Variants in MAP2K7 observed in about 807,000 individuals in gnomAD.
MAP2K7 encodes mitogen-activated protein kinase kinase 7, also known as dual specificity mitogen-activated protein kinase kinase 7.
Under a neutral mutation model 47.7 loss-of-function variants are expected in MAP2K7, and 12 were observed. The ratio of observed to expected loss-of-function variants is 0.25; its 90% CI spans 0.16 to 0.41. The LOEUF (loss-of-function observed/expected upper bound fraction) is 0.41. Among genes scored for constraint, MAP2K7 ranks in the 10% least tolerant of loss-of-function variants. MAP2K7 has a pLI of 1.00. For missense variants in MAP2K7, 415 were observed against 600.3 expected (o/e 0.69, Z 3.23); for synonymous variants, 299 against 243.0 (o/e 1.23, Z -2.14).
rs530956994 is a variant in MAP2K7, at chr19:7,912,638, G to A, written c.*207G>A. The A allele has an allele frequency of 6.4e-4, 384 of 601,918 alleles. No homozygotes were observed. The highest frequency in any genetic ancestry group is 2.5e-3 in the East Asian group (88 of 35,102). 37.3% of individuals were successfully genotyped at this position (601,918 alleles called of 1,614,324 possible). ...CTTCCCACCCCGGGGTCAGCCGGCC[G>A]TGTGCGTCCCCCGACAGACACTGTG... is the stretch of plus-strand genomic sequence containing the variant. On this transcript the variant is annotated 3_prime_UTR_variant, in exon 11 of 11. Transcript: ENST00000397979.
intron 1 of MAP2K7, among the ~76,000 whole-genome samples, chr19:7,904,925 G>A (rs899174745): frequency 2.6e-5 from 4 of 151,658 alleles, no homozygotes; most frequent in African/African-American, 9.7e-5. Flanking sequence ...CTCCCGCCGC[G>A]CCCCAGCATA....
chr19:7,911,712 C>T lies in MAP2K7; in HGVS notation c.1079+134C>T, dbSNP rs987168138. The stretch of plus-strand genomic sequence containing the variant: ...CGACTGTGGGCGGGCTCCTGGCTGG[C>T]GGCTGCCACAGGAGCTGGAGCTGGT... On this transcript the variant is annotated intron_variant, in intron 9 of 10. Coordinates refer to ENST00000397979, the MANE Select transcript of MAP2K7 (RefSeq NM_145185.4). 67 of 955,190 alleles carry T rather than the reference C, an allele frequency of 7.0e-5. No individual in the cohort carries two copies. Among genetic ancestry groups the T allele is most frequent in the Non-Finnish European group, 9.5e-5 (63 of 660,484 alleles). The allele number at this position is 955,190 out of a possible 1,614,324, so 59.2% of individuals were successfully genotyped here.
intron 1 of MAP2K7, among the ~76,000 whole-genome samples, chr19:7,907,464 G>T (rs1446743400): frequency 6.6e-6 from 1 of 152,204 alleles, no homozygotes; most frequent in East Asian, 1.9e-4. Flanking sequence ...GCTCCTGTCG[G>T]CAGACACGTG....
At position 7,912,567 on chromosome 19, in the gene MAP2K7, G is replaced by T. The variant is rs1758685028; in HGVS notation, c.*136G>T. 9.3e-7 allele frequency: 1 copy of T among 1,074,734 alleles called. No homozygotes were observed. The highest frequency in any genetic ancestry group is 1.6e-5 in the African/African-American group (1 of 62,586). 66.6% of individuals were successfully genotyped at this position (1,074,734 alleles called of 1,614,324 possible). A position where few individuals can be genotyped will look rare whatever the true frequency, so the allele number is the denominator to read the frequency against. ...CCTAGGACTGAGGACAGAGAGTGGG[G>T]GGTGCCCACCCACCCCCCCCGCCCC... On this transcript the variant is annotated 3_prime_UTR_variant, in exon 11 of 11. Coordinates refer to ENST00000397979, the MANE Select transcript of MAP2K7 (RefSeq NM_145185.4).
intron 1 of MAP2K7, 91 bp from the exon 2 acceptor site, chr19:7,909,664 G>A (rs1282440725): frequency 6.2e-5 from 44 of 705,124 alleles, no homozygotes; most frequent in Non-Finnish European, 9.1e-5. Flanking sequence ...GGGAAGGTGA[G>A]GGTCCCGACC....
Position 7,914,212 on chromosome 19 carries a change from C to T in MAP2K7, c.*1781C>T, listed in dbSNP as rs931933022. The T allele has an allele frequency of 6.6e-6, 1 of 152,382 alleles. No individual in the cohort carries two copies. The highest frequency in any genetic ancestry group is 6.5e-5 in the Admixed American group (1 of 15,278). 9.4% of individuals were successfully genotyped at this position (152,382 alleles called of 1,614,324 possible). A position where few individuals can be genotyped will look rare whatever the true frequency, so the allele number is the denominator to read the frequency against. On this transcript the variant is annotated 3_prime_UTR_variant, in exon 11 of 11. Transcript: ENST00000397979. ...ATGAGTGTGTGTCCGCCCACCCCCACCCCCTTCAGTGTTAAGTGGGGAGCC... is the reference window on the plus strand; with the variant it reads ...ATGAGTGTGTGTCCGCCCACCCCCATCCCCTTCAGTGTTAAGTGGGGAGCC...
chr19:7,907,574 C>T (rs1982547716), intron 1 of MAP2K7, among the ~76,000 whole-genome samples: 1 of 152,200 alleles, frequency 6.6e-6, no homozygotes. Context: ...ATCACCACCT[C>T]TGTGGCCTCT....
Position 7,904,011 on chromosome 19 carries a change from G to T in MAP2K7, c.67G>T (p.Glu23Ter). The T allele has an allele frequency of 6.5e-7, 1 of 1,549,106 alleles. No homozygotes were observed. Among genetic ancestry groups the T allele is most frequent in the Non-Finnish European group, 8.7e-7 (1 of 1,147,476 alleles). ...AGCAAAGCTGAAGCAGGAGAACCGG[G>T]AGGCCCGGCGGAGGATCGACCTCAA... ...LEAKLKQENR[E>*]ARRRIDLNLD... Residue 23 changes from glutamate to a stop codon, truncating the protein, a stop_gained, in exon 1 of 11, where the codon GAG becomes TAG. Transcript: ENST00000397979. LOFTEE classifies it high-confidence loss of function.
rs764009958 is a variant in MAP2K7 at position 7,912,409 on chromosome 19, C to T, written c.1238C>T (p.Pro413Leu). Residue 413 changes from proline to leucine, a missense_variant, in exon 11 of 11, where the codon CCC (proline) becomes CTC (leucine). Pro to Leu is a moderately conservative substitution (Grantham distance 98). Transcript: ENST00000397979. ...CGGACTAGCGGCGTCCTGAGCCAGC[C>T]CCACCTGCCCTTCTTCAGGTAGCTG... ...SPRTSGVLSQPHLPFFR is the reference protein window; with the variant it reads ...SPRTSGVLSQLHLPFFR The T allele has an allele frequency of 3.7e-6, 6 of 1,612,482 alleles. No individual in the cohort carries two copies. The highest frequency in any genetic ancestry group is 1.7e-5 in the Admixed American group (1 of 60,006).
chr19:7,910,069 G>A lies in MAP2K7; in HGVS notation c.273G>A (p.Glu91=), dbSNP rs367925050. The change falls in exon 3 of 11, where the codon GAG becomes GAA. Residue 91 remains glutamate, a synonymous_variant. Transcript: ENST00000397979. The part of the protein sequence containing the change: ...LFTPRSMESI[E]IDQKLQEIMK... ...ACCTGCTCCATGTCCCCAGCATTGAGATTGACCAGAAGCTGCAGGAGATCA... is the reference window on the plus strand; with the variant it reads ...ACCTGCTCCATGTCCCCAGCATTGAAATTGACCAGAAGCTGCAGGAGATCA... The A allele has an allele frequency of 4.7e-5, 76 of 1,603,902 alleles. No homozygotes were observed. The highest frequency in any genetic ancestry group is 6.0e-5 in the Non-Finnish European group (70 of 1,176,102).
rs775492545 is a variant in MAP2K7, at chr19:7,909,716, G to A, written c.125-39G>A. ...GATGTGGAGCTGACACCAGCTGGGC[G>A]CTGACCCCCCTCCCTGCCACTGGTT... On this transcript the variant is annotated intron_variant, in intron 1 of 10. Coordinates refer to ENST00000397979, the MANE Select transcript of MAP2K7 (RefSeq NM_145185.4). 3.3e-5 allele frequency: 46 copies of A among 1,388,838 alleles called. 2 individuals are homozygous for A. The South Asian group carries it at 5.2e-4, about 16-fold the overall frequency. 86.0% of individuals were successfully genotyped at this position (1,388,838 alleles called of 1,614,324 possible).
At position 7,910,539 on chromosome 19, in the gene MAP2K7, C is replaced by T. The variant is rs551841220; in HGVS notation, c.534C>T (p.Tyr178=). 8.7e-6 allele frequency: 14 copies of T among 1,613,708 alleles called. No individual in the cohort carries two copies. The East Asian group carries it at 2.5e-4, about 28-fold the overall frequency. The change falls in exon 5 of 11, where the codon TAC becomes TAT. Residue 178 remains tyrosine, a synonymous_variant. Coordinates refer to ENST00000397979, the MANE Select transcript of MAP2K7 (RefSeq NM_145185.4). The part of the protein sequence containing the change: ...DVVLKSHDCP[Y]IVQCFGTFIT... Reference sequence around the variant, plus strand: ...TGCTGAAGAGCCACGACTGCCCCTACATCGTGCAGTGCTTTGGGACGTTCA... The same window carrying T: ...TGCTGAAGAGCCACGACTGCCCCTATATCGTGCAGTGCTTTGGGACGTTCA...
In MAP2K7 at chr19:7,912,712, G is replaced by A. The variant is rs1982986219; in HGVS notation, c.*281G>A. 1 of 497,260 alleles carries A rather than the reference G, an allele frequency of 2.0e-6. No homozygotes were observed. The highest frequency in any genetic ancestry group is 3.8e-5 in the Admixed American group (1 of 26,492). The allele number at this position is 497,260 out of a possible 1,614,324, so 30.8% of individuals were successfully genotyped here. A position where few individuals can be genotyped will look rare whatever the true frequency, so the allele number is the denominator to read the frequency against. On this transcript the variant is annotated 3_prime_UTR_variant, in exon 11 of 11. Coordinates refer to ENST00000397979, the MANE Select transcript of MAP2K7 (RefSeq NM_145185.4). ...CAGAGTCGCTGTTCATTCAGCCGCAGCCTCTGGGCCGGGGCGGCCCCCAGG... is the reference window on the plus strand; with the variant it reads ...CAGAGTCGCTGTTCATTCAGCCGCAACCTCTGGGCCGGGGCGGCCCCCAGG...
In MAP2K7 at chr19:7,910,252, C is replaced by G; in HGVS notation, c.334-8C>G. 3.7e-6 allele frequency: 6 copies of G among 1,612,598 alleles called. No homozygotes were observed. Among genetic ancestry groups the G allele is most frequent in the Non-Finnish European group, 5.1e-6 (6 of 1,179,598 alleles). ...CCAGGGACCCTCCAACCCTCCCTCT[C>G]CTCCCAGCGCTACCAGGCAGAAATC... On this transcript the variant is annotated splice_region_variant and splice_polypyrimidine_tract_variant and intron_variant, in intron 3 of 10. Transcript: ENST00000397979.
rs372752473 is a variant in MAP2K7, at chr19:7,911,303, C to T, written c.909C>T (p.Ala303=). Residue 303 remains alanine (A), a synonymous_variant, in exon 8 of 11, where the codon GCC becomes GCT. Coordinates refer to ENST00000397979, the MANE Select transcript of MAP2K7 (RefSeq NM_145185.4). ...DPTKPDYDIR[A]DVWSLGISLV... is the part of the protein sequence containing the mutation. ...CCAAGCCGGACTATGACATCCGGGC[C>T]GACGTATGGAGCCTGGGCATCTCGT... 128 of 1,613,374 alleles carry T rather than the reference C, an allele frequency of 7.9e-5. No homozygotes were observed. The highest frequency in any genetic ancestry group is 2.5e-4 in the South Asian group (23 of 91,076).
rs1248075217 is a variant in MAP2K7 at position 7,913,012 on chromosome 19, C to G, written c.*581C>G. 1 of 155,422 alleles carries G rather than the reference C, an allele frequency of 6.4e-6. No homozygotes were observed. Among genetic ancestry groups the G allele is most frequent in the East Asian group, 1.9e-4 (1 of 5,182 alleles). The allele number at this position is 155,422 out of a possible 1,614,324, so 9.6% of individuals were successfully genotyped here. A position where few individuals can be genotyped will look rare whatever the true frequency, so the allele number is the denominator to read the frequency against. On this transcript the variant is annotated 3_prime_UTR_variant, in exon 11 of 11. Coordinates refer to ENST00000397979, the MANE Select transcript of MAP2K7 (RefSeq NM_145185.4). The stretch of plus-strand genomic sequence containing the variant: ...CCCCAGCCAGGCAGTGTGGGCATTG[C>G]CACTGCGGCTGGACGGGGCTGCGCG...
At position 7,911,597 on chromosome 19, in the gene MAP2K7, T is replaced by C. The variant is rs771089830; in HGVS notation, c.1079+19T>C. On this transcript the variant is annotated intron_variant, in intron 9 of 10. Transcript: ENST00000397979. ...AAGACTGGTGAGAACCTCCCTCCACTTGGGAGGTCAGGGACAGCCCGCTGC... is the reference window on the plus strand; with the variant it reads ...AAGACTGGTGAGAACCTCCCTCCACCTGGGAGGTCAGGGACAGCCCGCTGC... The C allele has an allele frequency of 1.0e-5, 16 of 1,567,564 alleles. No individual in the cohort carries two copies. The highest frequency in any genetic ancestry group is 2.3e-5 in the East Asian group (1 of 43,176).
chr19:7,911,457 T>C lies in MAP2K7; in HGVS notation c.958T>C (p.Phe320Leu). ...CCAGGTGGAGCTGGCAACAGGACAG[T>C]TTCCCTACAAGAACTGCAAGACGGA... The part of the protein sequence containing the change: ...ISLVELATGQ[F>L]PYKNCKTDFE... The change falls in exon 9 of 11, where the codon TTT becomes CTT. Residue 320 changes from phenylalanine to leucine, a missense_variant. Phe to Leu is a conservative substitution (Grantham distance 22, BLOSUM62 0). Transcript: ENST00000397979. 1 of 1,613,310 alleles carries C rather than the reference T, an allele frequency of 6.2e-7. No individual in the cohort carries two copies. The highest frequency in any genetic ancestry group is 8.5e-7 in the Non-Finnish European group (1 of 1,179,900).
At chr19:7,912,096 C>G (rs562615127) in intron 9 of MAP2K7, 53 bp from the exon 10 acceptor site, 1 of 1,563,178 alleles carries the variant, frequency 6.4e-7, no homozygotes, top group East Asian at 2.2e-5. Flanking sequence ...GGGGTGGGGC[C>G]GGCATCCCCT....
Sources: allele counts gnomAD v4.1 joint callset (sites outside exome capture counted in the v4.1 genomes callset), GRCh38; gene constraint gnomAD v4.1.1; transcripts MANE v1.5; gene names NCBI Gene and HGNC (gene_info 2026-07-23, HGNC 2026-07-21).